The following LIMCH1 variants were observed in gnomAD, a reference collection of about 807,000 sequenced individuals.
The protein encoded by LIMCH1 is LIM and calponin homology domains-containing protein 1.
LIMCH1 carries 113 observed loss-of-function variants against 176.5 expected under a neutral mutation model. The ratio of observed to expected loss-of-function variants is 0.64; its 90% CI spans 0.55 to 0.75. The LOEUF (loss-of-function observed/expected upper bound fraction) is 0.75, where lower values mean the gene tolerates loss of function less well. Among genes scored for constraint, LIMCH1 ranks in the 30% least tolerant of loss-of-function variants. The pLI is 0.00. For missense variants in LIMCH1, 1,674 were observed against 1,814.9 expected (o/e 0.92, Z 1.41); for synonymous variants, 619 against 645.9 (o/e 0.96, Z 0.63).
chr4:41,661,147 C>T (rs2094603489), intron 18 of LIMCH1, among the ~76,000 whole-genome samples: 1 of 151,082 alleles, frequency 6.6e-6, no homozygotes, highest in Admixed American at 6.7e-5. Context: ...TGATTTTGAG[C>T]TTTTGGTGGT....
intron 1 of LIMCH1, among the ~76,000 whole-genome samples, chr4:41,440,326 A>G (rs1291390495): frequency 6.6e-6 from 1 of 152,184 alleles, no homozygotes; most frequent in Non-Finnish European, 1.5e-5. Flanking sequence ...CATTCTACAG[A>G]AATATTTTTG....
rs1375266529 is a variant in LIMCH1, at chr4:41,676,447, G to A, written c.3504G>A (p.Gln1168=). The A allele has an allele frequency of 1.2e-6, 2 of 1,613,946 alleles. No homozygotes were observed. Among genetic ancestry groups the A allele is most frequent in the Admixed American group, 1.7e-5 (1 of 60,026 alleles). ...RRRQEKWQQE[Q]ERLLQERYQK... ...GACAGGAAAAATGGCAACAGGAACAGGAACGTTTGCTCCAGGTAGGATGGA... is the reference window on the plus strand; with the variant it reads ...GACAGGAAAAATGGCAACAGGAACAAGAACGTTTGCTCCAGGTAGGATGGA... The change falls in exon 23 of 32, where the codon CAG becomes CAA. Residue 1168 remains glutamine, a synonymous_variant. Coordinates refer to ENST00000503057, the MANE Select transcript of LIMCH1 (RefSeq NM_001330672.2).
chr4:41,505,854 C>T (rs1322516517), intron 2 of LIMCH1, among the ~76,000 whole-genome samples: 6 of 151,752 alleles, frequency 4.0e-5, no homozygotes, highest in Admixed American at 3.3e-4. Flanking sequence ...ACCTAGGCCA[C>T]CTGATCATCA....
intron 1 of LIMCH1, among the ~76,000 whole-genome samples, chr4:41,458,972 GCT>G (rs2064971369): frequency 6.6e-6 from 1 of 151,972 alleles, no homozygotes; most frequent in African/African-American, 2.4e-5. Flanking sequence ...TGCTGAAGTT[GCT>G]CTCTAAGCCT....
chr4:41,609,238 T>C (rs931206462), intron 4 of LIMCH1, among the ~76,000 whole-genome samples: 5 of 66,690 alleles, frequency 7.5e-5, no homozygotes, highest in Middle Eastern at 7.5e-3. Context: ...TCAACCCACC[T>C]TATGTTTTTT....
At chr4:41,690,297 T>A (rs1288690355) in intron 30 of LIMCH1, among the ~76,000 whole-genome samples, 1 of 152,214 alleles carries the variant, frequency 6.6e-6, no homozygotes. Flanking sequence ...CCTCTCTACC[T>A]AGCAGAGTAG....
At chr4:41,680,784 C>T (rs992748484) in intron 24 of LIMCH1, among the ~76,000 whole-genome samples, 171 bp from the exon 25 acceptor site, 3 of 152,126 alleles carry the variant, frequency 2.0e-5, no homozygotes, top group Non-Finnish European at 4.4e-5. Context: ...AATTATTACC[C>T]ATGGAGAGTG....
chr4:41,498,595 T>C (rs984022692), intron 2 of LIMCH1, among the ~76,000 whole-genome samples: 9 of 152,178 alleles, frequency 5.9e-5, no homozygotes, highest in East Asian at 1.9e-4. Flanking sequence ...GCCACAAATA[T>C]GTGACAAATG....
chr4:41,527,822 CAAAA>C (rs34651693), intron 3 of LIMCH1, among the ~76,000 whole-genome samples: 99 of 47,114 alleles, frequency 2.1e-3, no homozygotes, highest in East Asian at 7.7e-3. Context: ...GACTCCGTCT[CAAAA>C]AAAAAAAAAA....
chr4:41,682,518 C>T (rs908018895), intron 26 of LIMCH1, 58 bp downstream of exon 26: 19 of 1,570,126 alleles, frequency 1.2e-5, no homozygotes, highest in Admixed American at 3.6e-5. Flanking sequence ...TGCTCGTGCA[C>T]GCTCAGGAAG....
intron 1 of LIMCH1, among the ~76,000 whole-genome samples, chr4:41,444,231 G>A (rs7437879): frequency 0.94 from 143,153 of 151,530 alleles, 67,701 homozygotes; most frequent in East Asian, 1. Flanking sequence ...ACTCCTAAAC[G>A]ACTTTTTGGT....
intron 1 of LIMCH1, among the ~76,000 whole-genome samples, chr4:41,446,944 G>C (rs2063343906): frequency 6.6e-6 from 1 of 152,168 alleles, no homozygotes; most frequent in African/African-American, 2.4e-5. Flanking sequence ...TATTCAATGG[G>C]CCAGGTGTGG....
intron 1 of LIMCH1, among the ~76,000 whole-genome samples, chr4:41,407,849 T>G (rs2059127773): frequency 2.0e-5 from 3 of 152,156 alleles, no homozygotes; most frequent in Non-Finnish European, 2.9e-5. Context: ...TTCTTGTGAT[T>G]TAAACTCTGG....
intron 1 of LIMCH1, among the ~76,000 whole-genome samples, chr4:41,483,773 A>G (rs1256681885): frequency 1.3e-5 from 2 of 152,114 alleles, no homozygotes; most frequent in African/African-American, 4.8e-5. Flanking sequence ...ATTCCTTCTT[A>G]TCTCAGGACC....
At chr4:41,556,788 C>T (rs191780643) in intron 1 of LIMCH1, among the ~76,000 whole-genome samples, 58 of 152,190 alleles carry the variant, frequency 3.8e-4, no homozygotes, top group Admixed American at 1.2e-3. Context: ...TGGGAAATTA[C>T]CCTTTGAACC....
intron 1 of LIMCH1, among the ~76,000 whole-genome samples, chr4:41,588,920 G>A (rs2086971030): frequency 1.3e-5 from 2 of 152,164 alleles, no homozygotes; most frequent in Admixed American, 1.3e-4. Context: ...ATAGACAGAC[G>A]GCTGATCCTT....
At chr4:41,562,128 G>A (rs116315173) in intron 1 of LIMCH1, among the ~76,000 whole-genome samples, 543 of 152,224 alleles carry the variant, frequency 3.6e-3, no homozygotes, top group Middle Eastern at 0.02. Flanking sequence ...GGCCAGATAT[G>A]GGCATGAAAG....
chr4:41,539,937 A>G (rs933233267), intron 1 of LIMCH1, among the ~76,000 whole-genome samples: 3 of 152,210 alleles, frequency 2.0e-5, no homozygotes, highest in East Asian at 1.9e-4. Context: ...TAGACACTCA[A>G]TAACAATTTG....
At chr4:41,406,535 G>C (rs1195005581) in intron 1 of LIMCH1, among the ~76,000 whole-genome samples, 1 of 152,118 alleles carries the variant, frequency 6.6e-6, no homozygotes, top group Non-Finnish European at 1.5e-5. Context: ...CCAGGGAGGG[G>C]ATGATAGCTA....
Sources: gnomAD v4.1 joint callset for allele counts (sites outside exome capture counted in the v4.1 genomes callset) on GRCh38, gnomAD v4.1.1 for gene constraint, MANE v1.5 for transcripts, NCBI Gene and HGNC (gene_info 2026-07-23, HGNC 2026-07-21) for gene names.